Variants in LMAN2L observed in about 807,000 individuals in gnomAD.
LMAN2L encodes VIP36-like protein.
LMAN2L carries 30 observed loss-of-function variants against 44.3 expected under a neutral mutation model. That is an observed-to-expected ratio of 0.68 (90% CI 0.51 to 0.92). LMAN2L has a LOEUF of 0.92. Ranked by LOEUF, LMAN2L falls within the 40% of genes least tolerant of loss-of-function variation. The pLI is 0.00. For missense variants in LMAN2L, 429 were observed against 446.1 expected (o/e 0.96, Z 0.35); for synonymous variants, 183 against 171.1 (o/e 1.07, Z -0.54).
chr2:96,719,910 C>T (rs772425226), intron 4 of LMAN2L, among the ~76,000 whole-genome samples: 3 of 152,106 alleles, frequency 2.0e-5, no homozygotes, highest in Non-Finnish European at 2.9e-5. Context: ...ACCTGTAGTC[C>T]CAGTTATTCA....
At chr2:96,730,895 G>C (rs562355663) in intron 4 of LMAN2L, among the ~76,000 whole-genome samples, 2 of 152,020 alleles carry the variant, frequency 1.3e-5, no homozygotes, top group Admixed American at 6.6e-5. Flanking sequence ...GGATAGTCTC[G>C]GTCTCCTGAC....
intron 4 of LMAN2L, among the ~76,000 whole-genome samples, chr2:96,718,923 C>T (rs1322357975): frequency 6.6e-6 from 1 of 152,160 alleles, no homozygotes; most frequent in Non-Finnish European, 1.5e-5. Flanking sequence ...TATCATCACG[C>T]TCTCTTAAGA....
intron 4 of LMAN2L, chr2:96,713,271 A>G (rs2077967990): frequency 2.7e-6 from 2 of 738,164 alleles, no homozygotes; most frequent in African/African-American, 1.8e-5. Flanking sequence ...TAAATCCCCA[A>G]ACAGAATTTT....
chr2:96,707,144 C>G lies in LMAN2L; in HGVS notation c.*112G>C. The G allele has an allele frequency of 9.6e-7, 1 of 1,043,944 alleles. No individual in the cohort carries two copies. The highest frequency in any genetic ancestry group is 1.4e-6 in the Non-Finnish European group (1 of 718,144). 64.7% of individuals were successfully genotyped at this position (1,043,944 alleles called of 1,614,324 possible). On this transcript the variant is annotated 3_prime_UTR_variant, in exon 8 of 8. Transcript: ENST00000264963. ...AAAACTCCAGTGACAGAATATAGTC[C>G]CCAACCAGCTGCTAGAGACAAGAAC...
At chr2:96,734,953 G>A (rs1341307075) in intron 2 of LMAN2L, among the ~76,000 whole-genome samples, 1 of 152,162 alleles carries the variant, frequency 6.6e-6, no homozygotes, top group Non-Finnish European at 1.5e-5. Flanking sequence ...TTTAAAGAAA[G>A]GTCAAAGCCT....
chr2:96,723,344 G>C (rs2078199011), intron 4 of LMAN2L, among the ~76,000 whole-genome samples: 1 of 152,136 alleles, frequency 6.6e-6, no homozygotes, highest in Admixed American at 6.5e-5. Flanking sequence ...ATCTCTTCTA[G>C]AGAAATACCT....
chr2:96,713,470 C>T (rs1197924437), intron 4 of LMAN2L, among the ~76,000 whole-genome samples: 1 of 152,180 alleles, frequency 6.6e-6, no homozygotes, highest in South Asian at 2.1e-4. Flanking sequence ...CTTTATAAAA[C>T]ACATAGCAGT....
At position 96,734,542 on chromosome 2, in the gene LMAN2L, C is replaced by T; in HGVS notation, c.307-16G>A. The T allele has an allele frequency of 1.3e-6, 2 of 1,492,386 alleles. No homozygotes were observed. Among genetic ancestry groups the T allele is most frequent in the Middle Eastern group, 3.4e-4 (2 of 5,846 alleles). 92.4% of individuals were successfully genotyped at this position (1,492,386 alleles called of 1,614,324 possible). A position where few individuals can be genotyped will look rare whatever the true frequency, so the allele number is the denominator to read the frequency against. On this transcript the variant is annotated splice_polypyrimidine_tract_variant and intron_variant, in intron 2 of 7. Transcript: ENST00000264963. The stretch of plus-strand genomic sequence containing the variant: ...GGAAACATGGCTAAAGTGAGAAAGA[C>T]ATTAGAATCAATGAGGAGCATGAAA...
At chr2:96,712,222 C>T (rs2077942845) in intron 4 of LMAN2L, among the ~76,000 whole-genome samples, 197 bp from the exon 5 acceptor site, 1 of 152,218 alleles carries the variant, frequency 6.6e-6, no homozygotes, top group African/African-American at 2.4e-5. Flanking sequence ...GAAGCGACTA[C>T]ACTTGGTATT....
chr2:96,717,331 G>T (rs1390366445), intron 4 of LMAN2L, among the ~76,000 whole-genome samples: 1 of 151,912 alleles, frequency 6.6e-6, no homozygotes, highest in East Asian at 1.9e-4. Context: ...CTTGACCCTA[G>T]GAGTTTGAGA....
chr2:96,711,820 GAC>G (rs1277678069), intron 5 of LMAN2L, 42 bp downstream of exon 5: 2 of 1,612,462 alleles, frequency 1.2e-6, no homozygotes, highest in Non-Finnish European at 8.5e-7. Context: ...GAGCAAGAGC[GAC>G]ACAGCCCACA....
chr2:96,728,423 C>T (rs562335367), intron 4 of LMAN2L, among the ~76,000 whole-genome samples: 5 of 150,362 alleles, frequency 3.3e-5, no homozygotes, highest in African/African-American at 1.2e-4. Flanking sequence ...GGAGAATGGC[C>T]TGAACCCAGG....
At chr2:96,725,691 C>T (rs1359992701) in intron 4 of LMAN2L, among the ~76,000 whole-genome samples, 4 of 150,946 alleles carry the variant, frequency 2.6e-5, no homozygotes, top group South Asian at 2.1e-4. Flanking sequence ...GTCATCTGCC[C>T]GCCTCAGCCT....
chr2:96,713,519 C>G (rs576778084), intron 4 of LMAN2L, among the ~76,000 whole-genome samples: 1 of 152,280 alleles, frequency 6.6e-6, no homozygotes, highest in South Asian at 2.1e-4. Context: ...CTCTGGGAGT[C>G]AGTCTCAAGT....
chr2:96,710,100 T>C (rs969734727), intron 6 of LMAN2L, among the ~76,000 whole-genome samples: 8 of 152,308 alleles, frequency 5.3e-5, no homozygotes, highest in African/African-American at 1.7e-4. Context: ...TAGAACCTAA[T>C]TGCCAAAACT....
intron 4 of LMAN2L, among the ~76,000 whole-genome samples, chr2:96,717,949 A>G (rs62156208): frequency 0.07 from 10,571 of 152,030 alleles, 416 homozygotes; most frequent in Middle Eastern, 0.16. Flanking sequence ...TTTTCCCCCT[A>G]AAGGACCAAC....
At chr2:96,708,968 G>A (rs906877214) in intron 6 of LMAN2L, among the ~76,000 whole-genome samples, 7 of 139,162 alleles carry the variant, frequency 5.0e-5, no homozygotes, top group African/African-American at 1.9e-4. Flanking sequence ...AGGCTGGAGT[G>A]CAATGGCACG....
intron 4 of LMAN2L, among the ~76,000 whole-genome samples, chr2:96,729,930 G>A (rs1211635389): frequency 6.6e-6 from 1 of 152,158 alleles, no homozygotes; most frequent in Non-Finnish European, 1.5e-5. Context: ...CACTTCAGAC[G>A]AACTGAATCA....
intron 2 of LMAN2L, among the ~76,000 whole-genome samples, chr2:96,735,633 T>C (rs1213340151): frequency 6.6e-6 from 1 of 152,004 alleles, no homozygotes. Context: ...GGTCAGGAGA[T>C]CGAGACCATC....
Sources: gnomAD v4.1 joint callset for allele counts (sites outside exome capture counted in the v4.1 genomes callset) on GRCh38, gnomAD v4.1.1 for gene constraint, MANE v1.5 for transcripts, NCBI Gene and HGNC (gene_info 2026-07-23, HGNC 2026-07-21) for gene names.